Variants in COL5A2 observed in about 807,000 individuals in gnomAD.
The protein encoded by COL5A2 is collagen type V alpha 2 chain, also known as collagen alpha-2(V) chain.
Under a neutral mutation model 208.2 loss-of-function variants are expected in COL5A2, and 23 were observed. The observed-to-expected ratio is 0.11, with a 90% CI of 0.08 to 0.16. The LOEUF (loss-of-function observed/expected upper bound fraction) is 0.16, where lower values mean the gene tolerates loss of function less well. Among genes scored for constraint, COL5A2 ranks in the 10% least tolerant of loss-of-function variants. The pLI, the probability that COL5A2 is intolerant of heterozygous loss-of-function variation, is 1.00. For synonymous variants in COL5A2, 625 were observed against 628.5 expected (o/e 0.99, Z 0.08); for missense variants, 1,590 against 1,956.4 (o/e 0.81, Z 3.53).
intron 1 of COL5A2, among the ~76,000 whole-genome samples, chr2:189,127,007 T>C (rs1021856704): frequency 6.6e-6 from 1 of 152,080 alleles, no homozygotes; most frequent in African/African-American, 2.4e-5. Context: ...TGCAAAACGA[T>C]AAGCAACTTA....
chr2:189,087,025 GTCTTTAGAACA>G (rs1686677947), intron 8 of COL5A2, among the ~76,000 whole-genome samples: 1 of 152,192 alleles, frequency 6.6e-6, no homozygotes, highest in Admixed American at 6.5e-5. Context: ...CACACCCAAT[GTCTTTAGAACA>G]AGAACACTTG....
At chr2:189,320,313 A>G in the COL5A2 span, among the ~76,000 whole-genome samples, 1 of 152,260 alleles carries the variant, frequency 6.6e-6, no homozygotes, top group African/African-American at 2.4e-5. Context: ...AAAGCTGGAC[A>G]GAGAATGACT....
chr2:189,050,877 T>C (rs551551205), intron 42 of COL5A2, among the ~76,000 whole-genome samples: 1 of 152,264 alleles, frequency 6.6e-6, no homozygotes, highest in South Asian at 2.1e-4. Flanking sequence ...TGAAAACAGC[T>C]CATCCGTTGG....
intron 1 of COL5A2, among the ~76,000 whole-genome samples, chr2:189,154,883 T>G (rs1275536937): frequency 2.0e-5 from 3 of 152,204 alleles, no homozygotes; most frequent in Non-Finnish European, 2.9e-5. Context: ...TAAAATTAGG[T>G]TGTAACTAAA....
At position 189,039,384 on chromosome 2, in the gene COL5A2, G is replaced by A; in HGVS notation, c.3813C>T (p.Thr1271=). 1 of 1,613,998 alleles carries A rather than the reference G, an allele frequency of 6.2e-7. No individual in the cohort carries two copies. ...KNKTDPGVHA[T]LKSLSSQIET... Reference sequence around the variant, plus strand: ...CAATCTGACTACTGAGTGACTTCAGGGTAGCATGAACCCCTGGGTCCGTTT... The same window carrying A: ...CAATCTGACTACTGAGTGACTTCAGAGTAGCATGAACCCCTGGGTCCGTTT... The change falls in exon 51 of 54, where the codon ACC becomes ACT. Residue 1271 remains threonine (T), a synonymous_variant. Transcript: ENST00000374866.
At chr2:189,364,037 A>G in the COL5A2 span, among the ~76,000 whole-genome samples, 1 of 152,242 alleles carries the variant, frequency 6.6e-6, no homozygotes, top group Non-Finnish European at 1.5e-5. Context: ...TCCAGTCATC[A>G]TATCTAAAAA....
the COL5A2 span, among the ~76,000 whole-genome samples, chr2:189,258,788 C>T: frequency 7.9e-5 from 12 of 152,190 alleles, no homozygotes; most frequent in Admixed American, 7.2e-4. Flanking sequence ...CAGAGAGCAA[C>T]ATGGTGGAAT....
the COL5A2 span, among the ~76,000 whole-genome samples, chr2:189,360,432 T>C: frequency 6.6e-6 from 1 of 152,162 alleles, no homozygotes; most frequent in African/African-American, 2.4e-5. Flanking sequence ...GTATGTTGTG[T>C]TTCCATTTTC....
chr2:189,178,972 G>A lies in COL5A2; in HGVS notation c.97+536C>T, dbSNP rs143756015. On this transcript the variant is annotated intron_variant, in intron 1 of 53. Transcript: ENST00000374866. ...TGATCACATTTTCACAAATGAAAAT[G>A]GTAAAAAGAAGTTTAAATTGTTAAA... Among the ~76,000 whole-genome samples, 1,475 of 152,046 alleles carry A rather than the reference G, an allele frequency of 9.7e-3. 29 individuals are homozygous for A. Among genetic ancestry groups the A allele is most frequent in the Non-Finnish European group, 0.012 (807 of 67,978 alleles).
At chr2:189,380,571 T>C in the COL5A2 span, among the ~76,000 whole-genome samples, 1 of 151,396 alleles carries the variant, frequency 6.6e-6, no homozygotes, top group Non-Finnish European at 1.5e-5. Context: ...TACAAATAAG[T>C]AATTAATATA....
chr2:189,225,107 A>T (rs1443021498), intron 1 of COL5A2, among the ~76,000 whole-genome samples: 2 of 152,208 alleles, frequency 1.3e-5, no homozygotes, highest in Non-Finnish European at 2.9e-5. Flanking sequence ...ACTGAGGGAC[A>T]ATTAACCAAG....
At chr2:189,387,405 C>T in the COL5A2 span, among the ~76,000 whole-genome samples, 2 of 152,044 alleles carry the variant, frequency 1.3e-5, no homozygotes, top group Admixed American at 6.6e-5. Flanking sequence ...ATGCCCTAAA[C>T]CTCAGCATTA....
chr2:189,181,185 T>C (rs1363788458), upstream of COL5A2, among the ~76,000 whole-genome samples: 3 of 152,222 alleles, frequency 2.0e-5, no homozygotes, highest in East Asian at 5.8e-4. Flanking sequence ...CTGTTCTTAA[T>C]AGAAGAAATC....
intron 51 of COL5A2, among the ~76,000 whole-genome samples, chr2:189,037,050 C>A (rs1469773178): frequency 6.6e-6 from 1 of 152,126 alleles, no homozygotes; most frequent in Admixed American, 6.6e-5. Context: ...AAGGAAATAT[C>A]ATTACCCCCA....
chr2:189,167,664 A>ATTTT (rs71020984), intron 1 of COL5A2, among the ~76,000 whole-genome samples: 3,748 of 140,098 alleles, frequency 0.027, 74 homozygotes, highest in South Asian at 0.04. Flanking sequence ...GAAAGAAGTG[A>ATTTT]TTTTTTTTTT....
chr2:189,415,473 A>G, the COL5A2 span, among the ~76,000 whole-genome samples: 1 of 152,114 alleles, frequency 6.6e-6, no homozygotes, highest in African/African-American at 2.4e-5. Context: ...GTGTATGTAA[A>G]TTAGATCAAT....
At chr2:189,092,273 G>T in intron 7 of COL5A2, 37 bp downstream of exon 7, 1 of 1,211,574 alleles carries the variant, frequency 8.3e-7, no homozygotes, top group South Asian at 1.3e-5. Context: ...TTTAAAACAT[G>T]ACCTGTACGT....
chr2:189,072,282 A>G (rs1686292031), intron 17 of COL5A2, among the ~76,000 whole-genome samples, 189 bp from the exon 18 acceptor site: 2 of 152,244 alleles, frequency 1.3e-5, no homozygotes, highest in Admixed American at 6.5e-5. Context: ...TAATACTAAA[A>G]GACATATCCA....
the COL5A2 span, among the ~76,000 whole-genome samples, chr2:189,230,509 AT>A: frequency 6.6e-6 from 1 of 151,866 alleles, no homozygotes; most frequent in African/African-American, 2.4e-5. Flanking sequence ...AAATGACCCA[AT>A]TTTAAATGGA....
Sources: allele counts gnomAD v4.1 joint callset (sites outside exome capture counted in the v4.1 genomes callset), GRCh38; gene constraint gnomAD v4.1.1; transcripts MANE v1.5; gene names NCBI Gene and HGNC (gene_info 2026-07-23, HGNC 2026-07-21).